BNC1: variants seen among roughly 807,000 people sequenced by gnomAD.
BNC1 encodes zinc finger protein basonuclin-1.
In BNC1, 8 loss-of-function variants were observed where a neutral mutation model predicts 66.5. The ratio of observed to expected loss-of-function variants is 0.12; its 90% CI spans 0.07 to 0.22. The LOEUF (loss-of-function observed/expected upper bound fraction) is 0.22, where lower values mean the gene tolerates loss of function less well. Ranked by LOEUF, BNC1 falls within the 10% of genes least tolerant of loss-of-function variation. The probability of loss-of-function intolerance (pLI) is 1.00; values close to 1 mark genes in which losing one functional copy is unlikely to be tolerated. For missense variants in BNC1, 1,069 were observed against 1,241.3 expected, an observed-to-expected ratio of 0.86 and a Z score of 2.09; for synonymous variants, 454 against 452.6, an observed-to-expected ratio of 1.00 and a Z score of -0.04.
At chr15:83,281,075 C>A (rs1365977659) in intron 1 of BNC1, among the ~76,000 whole-genome samples, 1 of 152,068 alleles carries the variant, frequency 6.6e-6, no homozygotes, top group Non-Finnish European at 1.5e-5. Flanking sequence ...TTGAGAAGGC[C>A]CAAAATTGGA....
chr15:83,284,263 C>T (rs2151441913), intron 1 of BNC1, among the ~76,000 whole-genome samples: 1 of 152,170 alleles, frequency 6.6e-6, no homozygotes, highest in East Asian at 2.0e-4. Flanking sequence ...CTCCGACGCG[C>T]CCGCAGATCC....
chr15:83,257,715 A>G lies in BNC1; in HGVS notation c.2712T>C (p.Asp904=), dbSNP rs143642352. The G allele has an allele frequency of 5.6e-6, 9 of 1,613,970 alleles. No individual in the cohort carries two copies. In the African/African-American group the frequency reaches 1.1e-4, roughly 19 times the overall value. Residue 904 remains aspartate (D), a synonymous_variant, in exon 5 of 5, where the codon GAT becomes GAC. Transcript: ENST00000345382. The part of the protein sequence containing the change: ...CEGSSLVPGE[D]EYPICVLMEK... ...CCATCAGGACACAGATGGGGTACTC[A>G]TCTTCCCCAGGGACAAGGCTCGACC...
At chr15:83,270,610 T>C (rs953621138) in intron 1 of BNC1, among the ~76,000 whole-genome samples, 4 of 152,182 alleles carry the variant, frequency 2.6e-5, no homozygotes, top group East Asian at 1.9e-4. Flanking sequence ...TTCATGTGCT[T>C]ATTGGCCATT....
intron 2 of BNC1, among the ~76,000 whole-genome samples, chr15:83,267,452 C>T (rs984748161): frequency 6.6e-6 from 1 of 152,080 alleles, no homozygotes; most frequent in East Asian, 1.9e-4. Flanking sequence ...TGAGTTTGAG[C>T]GTTAGTTGTG....
In BNC1 at chr15:83,263,771, T is replaced by G; in HGVS notation, c.1480A>C (p.Ser494Arg). 8 of 1,614,154 alleles carry G rather than the reference T, an allele frequency of 5.0e-6. No individual in the cohort carries two copies. Among genetic ancestry groups the G allele is most frequent in the Non-Finnish European group, 6.8e-6 (8 of 1,180,022 alleles). Residue 494 changes from serine (S) to arginine (R), a missense_variant, in exon 4 of 5, where the codon AGT (serine) becomes CGT (arginine). This residue lies in a region of BNC1 where 657 missense variants were observed against 715.8 expected (regional missense o/e 0.92). Transcript: ENST00000345382. ...GCTACCTCGGCAGGCGTGGCTGGAC[T>G]GCGGTAGAAAGGAAGGACTGGCTGG... ...TVQPVLPFYR[S>R]PATPAEVANT...
intron 1 of BNC1, among the ~76,000 whole-genome samples, chr15:83,270,455 G>A (rs949731074): frequency 1.3e-5 from 2 of 152,122 alleles, no homozygotes; most frequent in African/African-American, 4.8e-5. Context: ...CACCAGCAAC[G>A]TATGAGGGTT....
chr15:83,277,336 G>A (rs990286273), intron 1 of BNC1, among the ~76,000 whole-genome samples: 3 of 152,116 alleles, frequency 2.0e-5, no homozygotes, highest in Admixed American at 6.5e-5. Flanking sequence ...TTTGGAGACA[G>A]TGTGGCTCTG....
At chr15:83,273,267 T>C (rs1190106564) in intron 1 of BNC1, among the ~76,000 whole-genome samples, 1 of 152,164 alleles carries the variant, frequency 6.6e-6, no homozygotes, top group African/African-American at 2.4e-5. Flanking sequence ...CCTTGGGTTT[T>C]TCCACCCATC....
intron 1 of BNC1, among the ~76,000 whole-genome samples, chr15:83,272,179 G>C (rs978873133): frequency 6.6e-6 from 1 of 152,122 alleles, no homozygotes; most frequent in African/African-American, 2.4e-5. Flanking sequence ...TTTTAAAAGG[G>C]AGAAAAGTTC....
Position 83,264,035 on chromosome 15 carries a change from T to A in BNC1, c.1216A>T (p.Ser406Cys). The change falls in exon 4 of 5, where the codon AGC (serine) becomes TGC (cysteine). Residue 406 changes from serine to cysteine, a missense_variant. Ser to Cys is a moderately radical substitution (Grantham distance 112). This residue lies in a region of BNC1 where 82 missense variants were observed against 136.3 expected (regional missense o/e 0.60). Transcript: ENST00000345382. Reference sequence around the variant, plus strand: ...TGCAGCCGAGGGTTGGGGTTGGCGCTATGGCGATTCCGGCTCCTTAGGGAG... The same window carrying A: ...TGCAGCCGAGGGTTGGGGTTGGCGCAATGGCGATTCCGGCTCCTTAGGGAG... Reference protein sequence around the residue: ...FSSLRSRNRHSANPNPRLHMP... With the variant: ...FSSLRSRNRHCANPNPRLHMP... 2.5e-6 allele frequency: 4 copies of A among 1,614,218 alleles called. No individual in the cohort carries two copies. Among genetic ancestry groups the A allele is most frequent in the Non-Finnish European group, 3.4e-6 (4 of 1,180,040 alleles).
chr15:83,259,636 C>T (rs548595141), intron 4 of BNC1, among the ~76,000 whole-genome samples: 1 of 152,240 alleles, frequency 6.6e-6, no homozygotes, highest in East Asian at 1.9e-4. Flanking sequence ...GGTGGACGTA[C>T]AGGTTCCAGT....
Position 83,257,331 on chromosome 15 carries a change from T to C in BNC1, c.*111A>G, listed in dbSNP as rs960529944. The C allele has an allele frequency of 8.2e-5, 103 of 1,249,714 alleles. No homozygotes were observed. The highest frequency in any genetic ancestry group is 1.1e-4 in the Non-Finnish European group (94 of 892,986). 77.4% of individuals were successfully genotyped at this position (1,249,714 alleles called of 1,614,324 possible). A position where few individuals can be genotyped will look rare whatever the true frequency, so the allele number is the denominator to read the frequency against. On this transcript the variant is annotated 3_prime_UTR_variant, in exon 5 of 5. Coordinates refer to ENST00000345382, the MANE Select transcript of BNC1 (RefSeq NM_001717.4). Reference sequence around the variant, plus strand: ...TGGAAAACTATAAAGTCAAATCAAATACTTTTGCCTGACTCGCCCCAAATG... The same window carrying C: ...TGGAAAACTATAAAGTCAAATCAAACACTTTTGCCTGACTCGCCCCAAATG...
intron 1 of BNC1, among the ~76,000 whole-genome samples, chr15:83,274,666 T>C (rs1369863579): frequency 1.3e-5 from 2 of 152,220 alleles, no homozygotes; most frequent in Non-Finnish European, 2.9e-5. Context: ...AACTTAAATT[T>C]ATGGAAGATT....
At position 83,258,099 on chromosome 15, in the gene BNC1, T is replaced by C. The variant is rs773755688; in HGVS notation, c.2328A>G (p.Gln776=). The C allele has an allele frequency of 6.2e-7, 1 of 1,603,128 alleles. No homozygotes were observed. Reference sequence around the variant, plus strand: ...CCAATGCTTCCTGGCTCAATGCTTTTTGGTGGAGGTTTAGGTTTGAGCTGT... The same window carrying C: ...CCAATGCTTCCTGGCTCAATGCTTTCTGGTGGAGGTTTAGGTTTGAGCTGT... ...DRHSSNLNLH[Q]KALSQEALES... is the part of the protein sequence containing the mutation. Residue 776 remains glutamine, a synonymous_variant, in exon 5 of 5, where the codon CAA becomes CAG. Transcript: ENST00000345382.
intron 1 of BNC1, among the ~76,000 whole-genome samples, chr15:83,272,299 C>T (rs1040935983): frequency 1.3e-5 from 2 of 151,922 alleles, no homozygotes; most frequent in Non-Finnish European, 2.9e-5. Flanking sequence ...GGCACAATCT[C>T]GGCTCAATGC....
intron 4 of BNC1, 133 bp downstream of exon 4, chr15:83,262,818 A>C: frequency 1.1e-6 from 1 of 936,132 alleles, no homozygotes; most frequent in Non-Finnish European, 1.6e-6. Context: ...GCCTCACCCT[A>C]GATCTAATGA....
intron 3 of BNC1, 139 bp from the exon 4 acceptor site, chr15:83,264,954 C>T: frequency 2.5e-6 from 2 of 794,266 alleles, no homozygotes; most frequent in Non-Finnish European, 3.9e-6. Flanking sequence ...GGAATTTAGT[C>T]CCTGCTCACC....
chr15:83,279,686 T>C (rs2038359912), intron 1 of BNC1, among the ~76,000 whole-genome samples: 2 of 152,288 alleles, frequency 1.3e-5, no homozygotes, highest in South Asian at 2.1e-4. Flanking sequence ...ATTGGGTTCA[T>C]AGGATCATTG....
chr15:83,269,506 C>T (rs560448210), intron 1 of BNC1, among the ~76,000 whole-genome samples: 1 of 152,036 alleles, frequency 6.6e-6, no homozygotes, highest in Admixed American at 6.5e-5. Flanking sequence ...CTCTAATCTG[C>T]CAATTGAGGG....
Sources: allele counts gnomAD v4.1 joint callset (sites outside exome capture counted in the v4.1 genomes callset), GRCh38; gene constraint gnomAD v4.1.1; regional missense constraint gnomAD v4.1.1; transcripts MANE v1.5; gene names NCBI Gene and HGNC (gene_info 2026-07-23, HGNC 2026-07-21).